The following PTPRM variants were observed in gnomAD, a reference collection of about 807,000 sequenced individuals.
The protein encoded by PTPRM is receptor-type tyrosine-protein phosphatase mu.
In PTPRM, 47 loss-of-function variants were observed where a neutral mutation model predicts 186.7. The ratio of observed to expected loss-of-function variants is 0.25; its 90% CI spans 0.20 to 0.32. The LOEUF (loss-of-function observed/expected upper bound fraction) is 0.32. Among genes scored for constraint, PTPRM ranks in the 10% least tolerant of loss-of-function variants. The pLI is 1.00. For missense variants in PTPRM, 1,494 were observed against 1,865.0 expected (o/e 0.80, Z 3.66); for synonymous variants, 668 against 674.9 (o/e 0.99, Z 0.16).
chr18:7,661,925 AT>A (rs373600928), intron 1 of PTPRM, among the ~76,000 whole-genome samples: 3 of 150,224 alleles, frequency 2.0e-5, no homozygotes, highest in South Asian at 2.1e-4. Context: ...CATGTATATG[AT>A]TTTTTTTTTG....
At chr18:8,022,604 C>T (rs1033361496) in intron 7 of PTPRM, among the ~76,000 whole-genome samples, 13 of 152,132 alleles carry the variant, frequency 8.5e-5, no homozygotes, top group African/African-American at 2.9e-4. Context: ...TTAAATCATG[C>T]ATATGGTTAG....
chr18:7,624,714 C>G (rs2038019574), intron 1 of PTPRM, among the ~76,000 whole-genome samples: 1 of 152,142 alleles, frequency 6.6e-6, no homozygotes, highest in Admixed American at 6.6e-5. Flanking sequence ...TGAGCTCAAG[C>G]AATCAGCCCA....
At chr18:7,669,987 G>A (rs1429996983) in intron 1 of PTPRM, among the ~76,000 whole-genome samples, 8 of 151,890 alleles carry the variant, frequency 5.3e-5, no homozygotes, top group South Asian at 2.1e-4. Context: ...CAGATGATCC[G>A]CCTGCCTCGG....
chr18:7,943,067 T>A (rs1202037296), intron 5 of PTPRM, among the ~76,000 whole-genome samples: 1 of 151,936 alleles, frequency 6.6e-6, no homozygotes. Context: ...TTCTGCGTGT[T>A]GGGTCATTTG....
intron 9 of PTPRM, among the ~76,000 whole-genome samples, chr18:8,078,469 G>T (rs375192014): frequency 1.8e-4 from 27 of 152,294 alleles, no homozygotes; most frequent in African/African-American, 5.1e-4. Flanking sequence ...AGTCACATTT[G>T]AATACTGGTA....
At position 7,668,768 on chromosome 18, in the gene PTPRM, A is replaced by G. The variant is rs1390606893; in HGVS notation, c.73+100877A>G. On this transcript the variant is annotated intron_variant, in intron 1 of 32. Transcript: ENST00000580170. This position sits in a 1 kb window ranked among gnomAD's most constrained non-coding sequence, Gnocchi z 4.7. Reference sequence around the variant, plus strand: ...GGCTCACCCTGGCCACTGCCACAGAACTGCCATTCCTGCACCCAGAGGCCT... The same window carrying G: ...GGCTCACCCTGGCCACTGCCACAGAGCTGCCATTCCTGCACCCAGAGGCCT... Among the ~76,000 whole-genome samples the G allele has an allele frequency of 2.6e-5, 4 of 152,112 alleles. No homozygotes were observed. The highest frequency in any genetic ancestry group is 9.7e-5 in the African/African-American group (4 of 41,426).
chr18:7,660,893 C>T (rs527495644), intron 1 of PTPRM, among the ~76,000 whole-genome samples: 2 of 151,970 alleles, frequency 1.3e-5, no homozygotes, highest in Non-Finnish European at 1.5e-5. Flanking sequence ...ATCGCTTGAA[C>T]CTGGGAGATG....
chr18:7,861,973 A>G (rs1599125366), intron 2 of PTPRM, among the ~76,000 whole-genome samples: 1 of 152,104 alleles, frequency 6.6e-6, no homozygotes, highest in Non-Finnish European at 1.5e-5. Flanking sequence ...GCTTTTTGAA[A>G]ACCACTTTAT....
intron 14 of PTPRM, among the ~76,000 whole-genome samples, chr18:8,151,473 C>T (rs2093003998): frequency 1.6e-5 from 2 of 128,274 alleles, no homozygotes; most frequent in South Asian, 2.9e-4. Flanking sequence ...GGCACCCCAC[C>T]GCCCCCCCCC....
chr18:8,024,681 CTT>C (rs397724573), intron 7 of PTPRM, among the ~76,000 whole-genome samples: 17 of 124,796 alleles, frequency 1.4e-4, no homozygotes, highest in Non-Finnish European at 8.2e-5. Flanking sequence ...AAACCCAAAT[CTT>C]TTTTTTTTTT....
intron 19 of PTPRM, among the ~76,000 whole-genome samples, chr18:8,280,999 G>A (rs532896649): frequency 5.4e-4 from 82 of 152,148 alleles, no homozygotes; most frequent in Non-Finnish European, 9.4e-4. Flanking sequence ...ACTTTTGAAG[G>A]ATAAAAGACC....
At chr18:8,280,392 T>C (rs565948286) in intron 19 of PTPRM, among the ~76,000 whole-genome samples, 2 of 101,390 alleles carry the variant, frequency 2.0e-5, no homozygotes, top group East Asian at 2.8e-4. Flanking sequence ...CATATTGATA[T>C]GAATTTGTGG....
chr18:8,084,247 G>A (rs1331460455), intron 9 of PTPRM, among the ~76,000 whole-genome samples: 1 of 152,112 alleles, frequency 6.6e-6, no homozygotes, highest in Admixed American at 6.5e-5. Context: ...AACATTGGAA[G>A]CAATTATGCA....
chr18:8,324,417 T>C (rs1292935025), intron 22 of PTPRM, among the ~76,000 whole-genome samples: 1 of 152,194 alleles, frequency 6.6e-6, no homozygotes, highest in African/African-American at 2.4e-5. Flanking sequence ...TTAGCAATTA[T>C]AATATATTAG....
At chr18:8,173,579 A>G (rs1283361807) in intron 14 of PTPRM, among the ~76,000 whole-genome samples, 1 of 152,218 alleles carries the variant, frequency 6.6e-6, no homozygotes, top group African/African-American at 2.4e-5. Context: ...CACAATTGAC[A>G]CGAGGTCGGC....
chr18:8,252,442 T>G, intron 17 of PTPRM, 46 bp from the exon 18 acceptor site: 1 of 1,483,724 alleles, frequency 6.7e-7, no homozygotes, highest in Non-Finnish European at 9.4e-7. Flanking sequence ...ATGCCCTGTT[T>G]CCTTTTTCTC....
At chr18:7,829,993 G>A (rs57978084) in intron 2 of PTPRM, among the ~76,000 whole-genome samples, 28,405 of 152,062 alleles carry the variant, frequency 0.19, 2,868 homozygotes, top group East Asian at 0.32. Context: ...TGGAAAGGAT[G>A]TTCTAATTAA....
chr18:8,246,909 A>C (rs966898968), intron 15 of PTPRM, among the ~76,000 whole-genome samples: 9 of 152,182 alleles, frequency 5.9e-5, no homozygotes, highest in African/African-American at 1.7e-4. Context: ...GGATTTGGTC[A>C]TGCTTCCCAT....
At position 8,136,765 on chromosome 18, in the gene PTPRM, T is replaced by C. The variant is rs878989013; in HGVS notation, c.2168-6882T>C. 2.0e-5 allele frequency among the ~76,000 whole-genome samples: 3 copies of C among 148,044 alleles called. No individual in the cohort carries two copies. In the Admixed American group the frequency reaches 2.1e-4, roughly 10 times the overall value. On this transcript the variant is annotated intron_variant, in intron 13 of 32. Transcript: ENST00000580170. ...AAAAATCTAGGAGGTGTTTTGTGAT[T>C]ATGTATAATGTGAAGAAGGAACAGC...
Sources: gnomAD v4.1 joint callset for allele counts (sites outside exome capture counted in the v4.1 genomes callset) on GRCh38, gnomAD v4.1.1 for gene constraint, Gnocchi (gnomAD v3.1) non-coding constraint, MANE v1.5 for transcripts, NCBI Gene and HGNC (gene_info 2026-07-23, HGNC 2026-07-21) for gene names.